The following PCDHA6 variants were observed in gnomAD, a reference collection of about 807,000 sequenced individuals.
PCDHA6 encodes protocadherin alpha 6, also known as protocadherin alpha-6.
A neutral mutation model predicts 60.3 loss-of-function variants in PCDHA6; 55 were observed. The observed-to-expected ratio is 0.91, with a 90% CI of 0.73 to 1.14. The LOEUF (loss-of-function observed/expected upper bound fraction) is 1.14. Among genes scored for constraint, PCDHA6 ranks in the 50% most tolerant of loss-of-function variants. The pLI, the probability that PCDHA6 is intolerant of heterozygous loss-of-function variation, is 0.00. For missense variants in PCDHA6, 1,327 were observed against 1,256.5 expected (o/e 1.06, Z -0.85); for synonymous variants, 652 against 557.9 (o/e 1.17, Z -2.38).
chr5:140,841,716 T>G lies in PCDHA6; in HGVS notation c.2394+11231T>G, dbSNP rs1554138489. The G allele has an allele frequency of 6.2e-7, 1 of 1,613,904 alleles. No homozygotes were observed. Among genetic ancestry groups the G allele is most frequent in the Admixed American group, 1.7e-5 (1 of 59,998 alleles). ...AAGGATGTTAATGACAACCCGCCAG[T>G]GTTCCGGGTAAAAGACCAAAAGCTG... On this transcript the variant is annotated intron_variant, in intron 1 of 3. Transcript: ENST00000529310.
intron 1 of PCDHA6, among the ~76,000 whole-genome samples, chr5:140,951,313 T>C (rs1554219855): frequency 1.3e-5 from 2 of 152,194 alleles, no homozygotes; most frequent in Non-Finnish European, 2.9e-5. Flanking sequence ...TAATGTGTTA[T>C]TCTTGAGATT....
chr5:140,876,455 C>G, intron 1 of PCDHA6: 1 of 1,613,992 alleles, frequency 6.2e-7, no homozygotes, highest in Non-Finnish European at 8.5e-7. Context: ...AAAGGGATTC[C>G]TTCCATGGCA....
At chr5:140,889,424 A>AT (rs1554183891) in intron 1 of PCDHA6, among the ~76,000 whole-genome samples, 2 of 151,956 alleles carry the variant, frequency 1.3e-5, no homozygotes, top group Non-Finnish European at 2.9e-5. Flanking sequence ...CGTAGATAAT[A>AT]TTTTTTCAGG....
intron 1 of PCDHA6, chr5:140,836,635 C>A: frequency 1.2e-6 from 2 of 1,613,444 alleles, no homozygotes; most frequent in Non-Finnish European, 1.7e-6. Flanking sequence ...TGGTCATTCT[C>A]CCAGCAGAGG....
At chr5:140,909,360 T>C (rs2074454382) in intron 1 of PCDHA6, among the ~76,000 whole-genome samples, 1 of 152,222 alleles carries the variant, frequency 6.6e-6, no homozygotes, top group South Asian at 2.1e-4. Flanking sequence ...ATGTGTTAAT[T>C]TGTTCAAGCA....
intron 1 of PCDHA6, chr5:140,929,314 G>A: frequency 6.4e-7 from 1 of 1,560,184 alleles, no homozygotes; most frequent in Non-Finnish European, 8.7e-7. Flanking sequence ...TCACGCTAAT[G>A]TCAATGCCAT....
At chr5:140,940,369 T>C (rs1554213311) in intron 1 of PCDHA6, among the ~76,000 whole-genome samples, 1 of 152,212 alleles carries the variant, frequency 6.6e-6, no homozygotes, top group Admixed American at 6.5e-5. Context: ...AAAGTATTCC[T>C]TGAGTTGTTA....
chr5:140,849,744 A>G lies in PCDHA6; in HGVS notation c.2394+19259A>G, dbSNP rs2150447733. On this transcript the variant is annotated intron_variant, in intron 1 of 3. Coordinates refer to ENST00000529310, the MANE Select transcript of PCDHA6 (RefSeq NM_018909.4). ...GCTGGACAGAGCTCTGGACCGCGAG[A>G]GTGTGTCCGCCTACGAGCTGGTGGT... The G allele has an allele frequency of 1.1e-5, 18 of 1,598,098 alleles. No homozygotes were observed. In the South Asian group the frequency reaches 1.4e-4, roughly 13 times the overall value.
chr5:141,010,265 G>A lies in PCDHA6; in HGVS notation c.*328G>A, dbSNP rs1554262846. ...GTTGGACTCTCTGCCCTGTGCTCCGGGGATCCTGTCTTGATGACACTTGCA... is the reference window on the plus strand; with the variant it reads ...GTTGGACTCTCTGCCCTGTGCTCCGAGGATCCTGTCTTGATGACACTTGCA... On this transcript the variant is annotated 3_prime_UTR_variant, in exon 4 of 4. Coordinates refer to ENST00000529310, the MANE Select transcript of PCDHA6 (RefSeq NM_018909.4). 6.4e-7 allele frequency: 1 copy of A among 1,551,726 alleles called. No homozygotes were observed. The highest frequency in any genetic ancestry group is 8.7e-7 in the Non-Finnish European group (1 of 1,147,006).
chr5:141,010,923 A>T lies in PCDHA6; in HGVS notation c.*986A>T, dbSNP rs184389417. The T allele has an allele frequency of 4.0e-3, 619 of 153,912 alleles. 3 individuals are homozygous for T. Among genetic ancestry groups the T allele is most frequent in the Admixed American group, 6.2e-3 (95 of 15,302 alleles). The allele number at this position is 153,912 out of a possible 1,614,324, so 9.5% of individuals were successfully genotyped here. A position where few individuals can be genotyped will look rare whatever the true frequency, so the allele number is the denominator to read the frequency against. ...TCCCCTAAACTCTCCTCAAAAGAGA[A>T]TTCAGTCTACAGCCATTTAAATGAT... On this transcript the variant is annotated 3_prime_UTR_variant, in exon 4 of 4. Coordinates refer to ENST00000529310, the MANE Select transcript of PCDHA6 (RefSeq NM_018909.4).
rs782073950 is a variant in PCDHA6, at chr5:140,978,950, C to G, written c.2396C>G (p.Pro799Arg). The G allele has an allele frequency of 1.2e-6, 2 of 1,614,102 alleles. No individual in the cohort carries two copies. The highest frequency in any genetic ancestry group is 1.7e-6 in the Non-Finnish European group (2 of 1,180,022). Reference sequence around the variant, plus strand: ...AAAACTCTCTTTGTGATTTTGCAGCCACGACAGCCCAACCCTGACTGGCGT... The same window carrying G: ...AAAACTCTCTTTGTGATTTTGCAGCGACGACAGCCCAACCCTGACTGGCGT... ...QDLNEDHDAK[P>R]RQPNPDWRYS... The change falls in exon 2 of 4, where the codon CCA becomes CGA. Residue 799 changes from proline to arginine, a missense_variant and splice_region_variant. Coordinates refer to ENST00000529310, the MANE Select transcript of PCDHA6 (RefSeq NM_018909.4).
At chr5:140,906,162 G>A (rs1421474866) in intron 1 of PCDHA6, among the ~76,000 whole-genome samples, 1 of 152,064 alleles carries the variant, frequency 6.6e-6, no homozygotes, top group Non-Finnish European at 1.5e-5. Flanking sequence ...GACACACCCA[G>A]GAACAATACT....
intron 1 of PCDHA6, among the ~76,000 whole-genome samples, chr5:140,932,376 A>G (rs2088262778): frequency 6.6e-6 from 1 of 151,964 alleles, no homozygotes; most frequent in African/African-American, 2.4e-5. Context: ...TTTCCACATG[A>G]AAGTTATACA....
chr5:140,900,882 A>G (rs1453854297), intron 1 of PCDHA6, among the ~76,000 whole-genome samples: 1 of 152,044 alleles, frequency 6.6e-6, no homozygotes, highest in African/African-American at 2.4e-5. Flanking sequence ...ATTGCCTGTC[A>G]TTTGGATAAA....
chr5:140,834,758 C>T (rs2150225679), intron 1 of PCDHA6: 11 of 1,614,006 alleles, frequency 6.8e-6, no homozygotes, highest in Non-Finnish European at 8.5e-6. Flanking sequence ...AGGTGAAGGA[C>T]ATTAACGACA....
intron 1 of PCDHA6, among the ~76,000 whole-genome samples, chr5:140,961,327 AGAGACCAAGAGTG>A (rs1375426442): frequency 6.6e-6 from 1 of 152,206 alleles, no homozygotes. Context: ...CTGTTTCTTG[AGAGACCAAGAGTG>A]GATCCCTGTA....
intron 1 of PCDHA6, chr5:140,854,326 T>G (rs1243654252): frequency 4.3e-6 from 1 of 230,654 alleles, no homozygotes; most frequent in East Asian, 1.8e-4. Context: ...AATGGCAAAC[T>G]TATTTTACGC....
At position 140,830,167 on chromosome 5, in the gene PCDHA6, G is replaced by T. The variant is rs1247870585; in HGVS notation, c.2076G>T (p.Ala692=). 3 of 1,613,430 alleles carry T rather than the reference G, an allele frequency of 1.9e-6. No individual in the cohort carries two copies. The highest frequency in any genetic ancestry group is 2.5e-6 in the Non-Finnish European group (3 of 1,179,902). Residue 692 remains alanine, a synonymous_variant, in exon 1 of 4, where the codon GCG becomes GCT. Coordinates refer to ENST00000529310, the MANE Select transcript of PCDHA6 (RefSeq NM_018909.4). ...TGGGCGCCGCGGGCCCAGAGGCGGC[G>T]CTGGTGGATGTCAACGTGTACCTGA... is the stretch of plus-strand genomic sequence containing the variant. ...ASVGAAGPEA[A]LVDVNVYLII... is the part of the protein sequence containing the mutation.
At chr5:140,928,641 G>A in intron 1 of PCDHA6, 1 of 1,614,196 alleles carries the variant, frequency 6.2e-7, no homozygotes, top group Non-Finnish European at 8.5e-7. Context: ...TCACAAAAGT[G>A]GTAGCAGAGG....
Sources: gnomAD v4.1 joint callset for allele counts (sites outside exome capture counted in the v4.1 genomes callset) on GRCh38, gnomAD v4.1.1 for gene constraint, MANE v1.5 for transcripts, NCBI Gene and HGNC (gene_info 2026-07-23, HGNC 2026-07-21) for gene names.